Variants in RAB38 observed in about 807,000 individuals in gnomAD.
RAB38 encodes the protein ras-related protein Rab-38.
A neutral mutation model predicts 18.4 loss-of-function variants in RAB38; 15 were observed. The observed-to-expected ratio is 0.82, with a 90% CI of 0.55 to 1.26. The LOEUF is 1.26. RAB38 is among the 50% of genes most tolerant of loss of function. RAB38 has a pLI of 0.00. For synonymous variants in RAB38, 101 were observed against 104.4 expected, an observed-to-expected ratio of 0.97 and a Z score of 0.20; for missense variants, 294 against 267.4, an observed-to-expected ratio of 1.10 and a Z score of -0.69.
the RAB38 span, among the ~76,000 whole-genome samples, chr11:87,866,190 G>A: frequency 6.6e-6 from 1 of 151,614 alleles, no homozygotes; most frequent in East Asian, 2.0e-4. Context: ...GGATCAGGGT[G>A]GGAAGACAGA....
chr11:87,947,064 CTT>C, the RAB38 span, among the ~76,000 whole-genome samples: 9 of 152,090 alleles, frequency 5.9e-5, no homozygotes, highest in Admixed American at 5.2e-4. Flanking sequence ...TGTTTCCTGA[CTT>C]TTTAATGATG....
At chr11:88,152,873 G>C (rs35567488) in intron 1 of RAB38, among the ~76,000 whole-genome samples, 1 of 152,350 alleles carries the variant, frequency 6.6e-6, no homozygotes, top group Non-Finnish European at 1.5e-5. Flanking sequence ...GAAATATACA[G>C]TTTTTGCCCA....
chr11:87,829,672 A>G, the RAB38 span, among the ~76,000 whole-genome samples: 2 of 152,168 alleles, frequency 1.3e-5, no homozygotes, highest in Admixed American at 6.6e-5. Flanking sequence ...CACAGGCTTA[A>G]CTGTATCGCC....
downstream of RAB38, among the ~76,000 whole-genome samples, chr11:88,110,055 A>G (rs2134759742): frequency 6.6e-6 from 1 of 152,324 alleles, no homozygotes. Flanking sequence ...TCTACTATAA[A>G]GACATATCCA....
At chr11:87,907,002 T>G in the RAB38 span, among the ~76,000 whole-genome samples, 1 of 151,970 alleles carries the variant, frequency 6.6e-6, no homozygotes, top group Non-Finnish European at 1.5e-5. Context: ...GGTTTTTGCT[T>G]TTATTAATAA....
the RAB38 span, among the ~76,000 whole-genome samples, chr11:88,096,303 G>T: frequency 2.8e-4 from 42 of 151,798 alleles, no homozygotes; most frequent in African/African-American, 1.0e-3. Flanking sequence ...CACATTTCCT[G>T]TTCTGTCTAT....
At chr11:87,833,210 T>G in the RAB38 span, among the ~76,000 whole-genome samples, 2 of 152,232 alleles carry the variant, frequency 1.3e-5, no homozygotes, top group Non-Finnish European at 2.9e-5. Context: ...CACACAGACC[T>G]GTGGCACTGA....
chr11:88,021,541 G>C, the RAB38 span, among the ~76,000 whole-genome samples: 2 of 151,358 alleles, frequency 1.3e-5, no homozygotes, highest in Non-Finnish European at 2.9e-5. Flanking sequence ...TACTCAAACT[G>C]TTCCTAAAAA....
the RAB38 span, among the ~76,000 whole-genome samples, chr11:88,052,323 T>C: frequency 4.6e-5 from 7 of 152,208 alleles, no homozygotes; most frequent in Non-Finnish European, 1.0e-4. Context: ...AGATGTCTAA[T>C]ATTTATGCTG....
chr11:88,161,016 T>C lies in RAB38; in HGVS notation c.203-11061A>G, dbSNP rs143717639. On this transcript the variant is annotated intron_variant, in intron 1 of 2. Transcript: ENST00000243662. ...TTTAGAGAAAAGAAAAGAAAACCTC[T>C]ATCTCCATTAGAATCCACTATCAAA... Among the ~76,000 whole-genome samples, 22 of 152,154 alleles carry C rather than the reference T, an allele frequency of 1.4e-4. No homozygotes were observed. In the East Asian group the frequency reaches 3.7e-3, roughly 25 times the overall value.
At position 88,113,920 on chromosome 11, in the gene RAB38, G is replaced by A. The variant is rs774101847; in HGVS notation, c.*68C>T. The A allele has an allele frequency of 4.4e-6, 7 of 1,582,646 alleles. No individual in the cohort carries two copies. Among genetic ancestry groups the A allele is most frequent in the Non-Finnish European group, 6.1e-6 (7 of 1,152,970 alleles). The stretch of plus-strand genomic sequence containing the variant: ...CTCTATCCTGACGTTTACCCAAAAT[G>A]GTAAAAATAGAGGCACAATTTGTGG... On this transcript the variant is annotated 3_prime_UTR_variant, in exon 3 of 3. Coordinates refer to ENST00000243662, the MANE Select transcript of RAB38 (RefSeq NM_022337.3).
At chr11:87,878,569 C>A in the RAB38 span, among the ~76,000 whole-genome samples, 1 of 151,478 alleles carries the variant, frequency 6.6e-6, no homozygotes, top group Non-Finnish European at 1.5e-5. Flanking sequence ...TTGAGAATGT[C>A]GGAGGATGTT....
chr11:88,161,944 G>C (rs942715352), intron 1 of RAB38, among the ~76,000 whole-genome samples: 1 of 152,068 alleles, frequency 6.6e-6, no homozygotes, highest in Non-Finnish European at 1.5e-5. Flanking sequence ...TTTCTAGGGA[G>C]TAACAGTGTG....
the RAB38 span, among the ~76,000 whole-genome samples, chr11:88,014,751 T>C: frequency 6.6e-6 from 1 of 152,076 alleles, no homozygotes; most frequent in Non-Finnish European, 1.5e-5. Flanking sequence ...GGCTTAAGAA[T>C]GGGTGGGGAC....
the RAB38 span, among the ~76,000 whole-genome samples, chr11:87,964,083 G>T: frequency 5.9e-5 from 9 of 152,178 alleles, no homozygotes; most frequent in Non-Finnish European, 8.8e-5. Context: ...AAGCCAAGAA[G>T]AAATTATGGC....
the RAB38 span, among the ~76,000 whole-genome samples, chr11:88,067,348 A>G: frequency 1.0e-5 from 1 of 98,746 alleles, no homozygotes; most frequent in Non-Finnish European, 2.0e-5. Context: ...CCATTTAGCA[A>G]ATGAAAAAAA....
At position 88,113,838 on chromosome 11, in the gene RAB38, A is replaced by G. The variant is rs1319636973; in HGVS notation, c.*150T>C. 4 of 862,472 alleles carry G rather than the reference A, an allele frequency of 4.6e-6. No homozygotes were observed. The highest frequency in any genetic ancestry group is 5.4e-6 in the Non-Finnish European group (3 of 554,920). The allele number at this position is 862,472 out of a possible 1,614,324, so 53.4% of individuals were successfully genotyped here. ...GGAAAGCATAGAAAGAACATTTGCTATTTCTCTCTCACTGAAAAAACAGAG... is the reference window on the plus strand; with the variant it reads ...GGAAAGCATAGAAAGAACATTTGCTGTTTCTCTCTCACTGAAAAAACAGAG... On this transcript the variant is annotated 3_prime_UTR_variant, in exon 3 of 3. Coordinates refer to ENST00000243662, the MANE Select transcript of RAB38 (RefSeq NM_022337.3).
the RAB38 span, among the ~76,000 whole-genome samples, chr11:87,814,740 C>CTT: frequency 1.4e-5 from 2 of 146,718 alleles, no homozygotes; most frequent in South Asian, 2.1e-4. Flanking sequence ...TTTTCTTTTT[C>CTT]TTTTTTTTTT....
At chr11:87,954,161 G>T in the RAB38 span, among the ~76,000 whole-genome samples, 3 of 151,982 alleles carry the variant, frequency 2.0e-5, no homozygotes, top group African/African-American at 7.2e-5. Context: ...GTGTCTGGTG[G>T]TTGATCAGTA....
Sources: gnomAD v4.1 joint callset for allele counts (sites outside exome capture counted in the v4.1 genomes callset) on GRCh38, gnomAD v4.1.1 for gene constraint, MANE v1.5 for transcripts, NCBI Gene and HGNC (gene_info 2026-07-23, HGNC 2026-07-21) for gene names.